Variants in SGCG observed in about 807,000 individuals in gnomAD.
SGCG encodes the protein gamma-sarcoglycan.
Under a neutral mutation model 29.3 loss-of-function variants are expected in SGCG, and 26 were observed. That is an observed-to-expected ratio of 0.89 (90% CI 0.65 to 1.23). The LOEUF is 1.23. SGCG is among the 50% of genes most tolerant of loss of function. The pLI, the probability that SGCG is intolerant of heterozygous loss-of-function variation, is 0.00. For synonymous variants in SGCG, 145 were observed against 129.7 expected (o/e 1.12, Z -0.80); for missense variants, 353 against 356.0 (o/e 0.99, Z 0.07).
intron 6 of SGCG, among the ~76,000 whole-genome samples, chr13:23,312,223 T>C (rs1008792133): frequency 2.0e-5 from 3 of 152,168 alleles, no homozygotes; most frequent in African/African-American, 7.2e-5. Flanking sequence ...AAGCTAAAAT[T>C]CCTCTTTTAA....
At chr13:23,308,428 G>A (rs9580597) in intron 6 of SGCG, among the ~76,000 whole-genome samples, 117 of 152,154 alleles carry the variant, frequency 7.7e-4, no homozygotes, top group African/African-American at 2.7e-3. Context: ...CCCTATTCTC[G>A]TCTGTTGTTC....
At chr13:23,169,684 TC>T in the SGCG span, among the ~76,000 whole-genome samples, 1 of 145,660 alleles carries the variant, frequency 6.9e-6, no homozygotes, top group South Asian at 2.2e-4. Context: ...TCTCTCTCTC[TC>T]TCTCTCTCTG....
the SGCG span, among the ~76,000 whole-genome samples, chr13:23,169,146 A>G: frequency 6.6e-6 from 1 of 151,238 alleles, no homozygotes; most frequent in African/African-American, 2.4e-5. Flanking sequence ...CTCATTTTTG[A>G]CCCCCTTCCC....
At chr13:23,230,064 G>C (rs1277292432) in intron 2 of SGCG, among the ~76,000 whole-genome samples, 1 of 152,024 alleles carries the variant, frequency 6.6e-6, no homozygotes, top group Non-Finnish European at 1.5e-5. Flanking sequence ...GCTTGTTCTT[G>C]TCAGCTTTGT....
chr13:23,245,858 A>C (rs1427018477), intron 3 of SGCG: 1 of 152,224 alleles, frequency 6.6e-6, no homozygotes, highest in Non-Finnish European at 1.5e-5. Flanking sequence ...GACTGATCTG[A>C]TGTAGGTGGA....
At chr13:23,310,300 G>A (rs150985066) in intron 6 of SGCG, among the ~76,000 whole-genome samples, 7,546 of 151,670 alleles carry the variant, frequency 0.05, 253 homozygotes, top group Non-Finnish European at 0.072. Context: ...ATTAGCCAGG[G>A]TGGTCTCGAT....
intron 2 of SGCG, among the ~76,000 whole-genome samples, chr13:23,223,414 A>G (rs5026267): frequency 6.6e-6 from 1 of 151,896 alleles, no homozygotes; most frequent in African/African-American, 2.4e-5. Flanking sequence ...TGAAAAATTA[A>G]TTTTACATTA....
upstream of SGCG, chr13:23,180,921 G>A (rs970716548): frequency 6.6e-6 from 1 of 152,152 alleles, no homozygotes; most frequent in African/African-American, 2.4e-5. Context: ...GAGACAGGGC[G>A]AAACTCGTGA....
intron 2 of SGCG, among the ~76,000 whole-genome samples, chr13:23,219,374 A>G (rs970011520): frequency 6.6e-6 from 1 of 152,148 alleles, no homozygotes; most frequent in Non-Finnish European, 1.5e-5. Context: ...TTTTTATCCT[A>G]AATGATTTGG....
At chr13:23,255,730 GT>G (rs1436830595) in intron 4 of SGCG, among the ~76,000 whole-genome samples, 1 of 152,008 alleles carries the variant, frequency 6.6e-6, no homozygotes, top group South Asian at 2.1e-4. Context: ...GGTTTTAAGG[GT>G]TTTTTTCCAA....
intron 4 of SGCG, among the ~76,000 whole-genome samples, chr13:23,262,529 G>A (rs1302628081): frequency 6.6e-6 from 1 of 151,846 alleles, no homozygotes; most frequent in Non-Finnish European, 1.5e-5. Context: ...CTATACCTAA[G>A]AAAAGAGATA....
At chr13:23,221,767 G>A (rs1174003007) in intron 2 of SGCG, among the ~76,000 whole-genome samples, 1 of 152,186 alleles carries the variant, frequency 6.6e-6, no homozygotes, top group African/African-American at 2.4e-5. Flanking sequence ...GCTGTATACA[G>A]AAAACAAGAG....
chr13:23,174,673 G>A, the SGCG span, among the ~76,000 whole-genome samples: 1 of 152,128 alleles, frequency 6.6e-6, no homozygotes, highest in Non-Finnish European at 1.5e-5. Context: ...TCAATATGAA[G>A]CAATTAAAAT....
chr13:23,203,913 A>G (rs1389983797), intron 2 of SGCG, 24 bp downstream of exon 2: 1 of 1,524,078 alleles, frequency 6.6e-7, no homozygotes, highest in Middle Eastern at 1.8e-4. Context: ...TTTTCTGGTA[A>G]GCATGTTCTT....
chr13:23,320,020 T>G (rs973162292), intron 6 of SGCG, among the ~76,000 whole-genome samples: 2 of 152,364 alleles, frequency 1.3e-5, no homozygotes, highest in East Asian at 3.9e-4. Context: ...AAGAAATCTT[T>G]CCATTTGCCC....
At chr13:23,226,729 A>AT (rs1878912605) in intron 2 of SGCG, among the ~76,000 whole-genome samples, 1 of 152,180 alleles carries the variant, frequency 6.6e-6, no homozygotes, top group South Asian at 2.1e-4. Context: ...AGAAAGTAGA[A>AT]TGTTGGTTAC....
At chr13:23,256,135 C>G (rs1253282860) in intron 4 of SGCG, among the ~76,000 whole-genome samples, 1 of 151,888 alleles carries the variant, frequency 6.6e-6, no homozygotes, top group African/African-American at 2.4e-5. Flanking sequence ...TTTAAAAATC[C>G]CAGCAGAATC....
chr13:23,256,996 C>A (rs144317739), intron 4 of SGCG, among the ~76,000 whole-genome samples: 1 of 152,178 alleles, frequency 6.6e-6, no homozygotes, highest in Admixed American at 6.5e-5. Flanking sequence ...CTCCCACCAA[C>A]GGTGTAAAAG....
At chr13:23,208,517 A>C (rs908140094) in intron 2 of SGCG, among the ~76,000 whole-genome samples, 1 of 152,156 alleles carries the variant, frequency 6.6e-6, no homozygotes, top group African/African-American at 2.4e-5. Flanking sequence ...GTTGACCAAG[A>C]GAATAAATCT....
Sources: gnomAD v4.1 joint callset for allele counts (sites outside exome capture counted in the v4.1 genomes callset) on GRCh38, gnomAD v4.1.1 for gene constraint, MANE v1.5 for transcripts, NCBI Gene and HGNC (gene_info 2026-07-23, HGNC 2026-07-21) for gene names.